Variants in COL24A1 observed in about 807,000 individuals in gnomAD.
COL24A1 encodes collagen alpha-1(XXIV) chain.
In COL24A1, 224 loss-of-function variants were observed where a neutral mutation model predicts 253.9. The observed-to-expected ratio is 0.88, with a 90% CI of 0.79 to 0.99. The LOEUF is 0.99. COL24A1 is among the 50% of genes least tolerant of loss of function. COL24A1 has a pLI of 0.00. For missense variants in COL24A1, 2,131 were observed against 2,068.5 expected (o/e 1.03, Z -0.59); for synonymous variants, 685 against 673.7 (o/e 1.02, Z -0.26).
chr1:85,863,963 C>T (rs953881106), intron 37 of COL24A1, among the ~76,000 whole-genome samples: 1 of 152,144 alleles, frequency 6.6e-6, no homozygotes, highest in Non-Finnish European at 1.5e-5. Flanking sequence ...GGACTGTAAC[C>T]TAGTTCAACA....
chr1:86,085,052 T>C (rs1216871921), intron 7 of COL24A1, among the ~76,000 whole-genome samples: 1 of 152,242 alleles, frequency 6.6e-6, no homozygotes. Flanking sequence ...CTCCATTATC[T>C]TTCTTCAGGC....
chr1:85,739,556 C>A (rs1230356504), intron 57 of COL24A1, among the ~76,000 whole-genome samples: 2 of 152,322 alleles, frequency 1.3e-5, no homozygotes, highest in South Asian at 4.1e-4. Context: ...TTTGCATTTT[C>A]TCCCTGAAAA....
intron 2 of COL24A1, 57 bp from the exon 3 acceptor site, chr1:86,126,271 C>A: frequency 6.9e-7 from 1 of 1,447,834 alleles, no homozygotes; most frequent in South Asian, 1.4e-5. Flanking sequence ...TTCAAGTGTT[C>A]ATATAAATGT....
chr1:86,125,335 G>T lies in COL24A1; in HGVS notation c.1001C>A (p.Ala334Asp). 1 of 1,613,556 alleles carries T rather than the reference G, an allele frequency of 6.2e-7. No homozygotes were observed. The highest frequency in any genetic ancestry group is 1.7e-5 in the Admixed American group (1 of 59,856). ...ATCTTCCTCAGTGATCATTTCTTTG[G>T]CCTGAATCCCATGGTTTGTGAGATC... ...AVDLTNHGIQ[A>D]KEMITEEDTQ... Residue 334 changes from alanine to aspartate, a missense_variant, in exon 3 of 60, where the codon GCC becomes GAC. Physicochemically the swap from Ala to Asp is moderately radical, Grantham distance 126. Transcript: ENST00000370571.
chr1:86,083,822 T>C (rs1022932869), intron 7 of COL24A1, among the ~76,000 whole-genome samples: 2 of 152,208 alleles, frequency 1.3e-5, no homozygotes, highest in African/African-American at 4.8e-5. Flanking sequence ...ATGTGCTTGT[T>C]ACATGCCAGA....
At chr1:86,092,143 C>A in intron 6 of COL24A1, 124 bp downstream of exon 6, 2 of 683,988 alleles carry the variant, frequency 2.9e-6, no homozygotes. Flanking sequence ...CATTAAAATC[C>A]AACAATTAAT....
At chr1:85,805,504 G>T (rs1007993020) in intron 47 of COL24A1, among the ~76,000 whole-genome samples, 5 of 151,996 alleles carry the variant, frequency 3.3e-5, no homozygotes, top group African/African-American at 1.2e-4. Context: ...ATAAAAATAA[G>T]AATATAAAAA....
At chr1:86,073,345 C>T (rs182061806) in intron 7 of COL24A1, among the ~76,000 whole-genome samples, 4 of 152,074 alleles carry the variant, frequency 2.6e-5, no homozygotes, top group Non-Finnish European at 2.9e-5. Flanking sequence ...TATCAAGAAT[C>T]AAACCAATCA....
intron 12 of COL24A1, among the ~76,000 whole-genome samples, chr1:86,044,686 C>T (rs976294254): frequency 2.0e-4 from 31 of 152,086 alleles, no homozygotes; most frequent in African/African-American, 7.5e-4. Flanking sequence ...TCAATAGACT[C>T]CTGTTGGATA....
chr1:86,077,117 A>T (rs1232182286), intron 7 of COL24A1, among the ~76,000 whole-genome samples: 1 of 152,228 alleles, frequency 6.6e-6, no homozygotes, highest in Non-Finnish European at 1.5e-5. Context: ...AATATCCAGA[A>T]TCTACAAGAA....
In COL24A1 at chr1:86,114,172, T is replaced by A. The variant is rs187210616; in HGVS notation, c.1545+1153A>T. Among the ~76,000 whole-genome samples the A allele has an allele frequency of 2.8e-3, 420 of 152,272 alleles. 2 individuals carry two copies. The highest frequency in any genetic ancestry group is 9.8e-3 in the African/African-American group (409 of 41,558). ...AGAAAAAATGTAAAGTTGCAACTTTTAAGTTAGATGAGGTGAAATTAGGAA... is the reference window on the plus strand; with the variant it reads ...AGAAAAAATGTAAAGTTGCAACTTTAAAGTTAGATGAGGTGAAATTAGGAA... On this transcript the variant is annotated intron_variant, in intron 4 of 59. Transcript: ENST00000370571.
chr1:86,133,687 C>A (rs559312529), intron 2 of COL24A1, among the ~76,000 whole-genome samples: 1 of 152,120 alleles, frequency 6.6e-6, no homozygotes, highest in African/African-American at 2.4e-5. Context: ...GCCTTGCATC[C>A]CAGGGATGAG....
chr1:86,124,025 G>A (rs1201293596), intron 3 of COL24A1, among the ~76,000 whole-genome samples: 1 of 151,826 alleles, frequency 6.6e-6, no homozygotes, highest in East Asian at 1.9e-4. Context: ...GTAAATTTAA[G>A]TATACAAATA....
chr1:85,814,199 A>T (rs1426880507), intron 47 of COL24A1, among the ~76,000 whole-genome samples: 1 of 152,230 alleles, frequency 6.6e-6, no homozygotes, highest in African/African-American at 2.4e-5. Context: ...ATTGGGTTAT[A>T]GAATGCAAAT....
intron 19 of COL24A1, among the ~76,000 whole-genome samples, chr1:85,989,164 C>T (rs1214981835): frequency 6.6e-6 from 1 of 152,006 alleles, no homozygotes; most frequent in Non-Finnish European, 1.5e-5. Flanking sequence ...ACACTTCTAG[C>T]TCCTGCTGTA....
chr1:86,040,408 G>A (rs1390135270), intron 12 of COL24A1, among the ~76,000 whole-genome samples: 2 of 150,876 alleles, frequency 1.3e-5, no homozygotes, highest in East Asian at 3.9e-4. Context: ...CTGGTGTGCT[G>A]CACCCACTAA....
At chr1:85,953,518 G>T (rs538110895) in intron 24 of COL24A1, among the ~76,000 whole-genome samples, 4 of 152,134 alleles carry the variant, frequency 2.6e-5, no homozygotes, top group Non-Finnish European at 4.4e-5. Context: ...ACTACTTAAA[G>T]ATCAAGTCTT....
Position 85,907,185 on chromosome 1 carries a change from A to G in COL24A1, c.2778+9T>C, listed in dbSNP as rs746348431. On this transcript the variant is annotated intron_variant, in intron 28 of 59. Coordinates refer to ENST00000370571, the MANE Select transcript of COL24A1 (RefSeq NM_152890.7). Reference sequence around the variant, plus strand: ...GGGGTTAATGTACTTTTTTCCTTAGATTACTTACTCTTTGTCCTTTAGGAC... The same window carrying G: ...GGGGTTAATGTACTTTTTTCCTTAGGTTACTTACTCTTTGTCCTTTAGGAC... 11 of 1,609,088 alleles carry G rather than the reference A, an allele frequency of 6.8e-6. No individual in the cohort carries two copies. Among genetic ancestry groups the G allele is most frequent in the South Asian group, 5.5e-5 (5 of 90,840 alleles).
chr1:86,139,038 CT>C (rs1250602100), intron 2 of COL24A1, among the ~76,000 whole-genome samples: 1 of 152,082 alleles, frequency 6.6e-6, no homozygotes, highest in Non-Finnish European at 1.5e-5. Context: ...TAAAATCAGT[CT>C]TCTAAGCTTA....
Sources: gnomAD v4.1 joint callset for allele counts (sites outside exome capture counted in the v4.1 genomes callset) on GRCh38, gnomAD v4.1.1 for gene constraint, MANE v1.5 for transcripts, NCBI Gene and HGNC (gene_info 2026-07-23, HGNC 2026-07-21) for gene names.